Variants in PHF24 observed in about 807,000 individuals in gnomAD.
The protein encoded by PHF24 is Galpha inhibitory interacting protein.
In PHF24, 25 loss-of-function variants were observed where a neutral mutation model predicts 42.6. The observed-to-expected ratio is 0.59, with a 90% CI of 0.43 to 0.82. The LOEUF (loss-of-function observed/expected upper bound fraction) is 0.82, where lower values mean the gene tolerates loss of function less well. Ranked by LOEUF, PHF24 falls within the 40% of genes least tolerant of loss-of-function variation. The pLI is 0.00. For missense variants in PHF24, 470 were observed against 538.1 expected (o/e 0.87, Z 1.25); for synonymous variants, 185 against 204.8 (o/e 0.90, Z 0.83).
chr9:34,925,080 A>T, the PHF24 span, among the ~76,000 whole-genome samples: 4 of 152,086 alleles, frequency 2.6e-5, no homozygotes, highest in Non-Finnish European at 5.9e-5. Context: ...TGTCTATGAA[A>T]GATTTTATTT....
chr9:34,949,032 A>G, the PHF24 span, among the ~76,000 whole-genome samples: 8 of 152,248 alleles, frequency 5.3e-5, no homozygotes, highest in Non-Finnish European at 1.2e-4. Flanking sequence ...ATGCTAAAGC[A>G]TAAACTAGTA....
the PHF24 span, among the ~76,000 whole-genome samples, chr9:34,761,903 G>A: frequency 4.2e-3 from 638 of 152,130 alleles, 4 homozygotes; most frequent in African/African-American, 0.014. Context: ...GTGTCCATGT[G>A]TTCTCATTGC....
the PHF24 span, among the ~76,000 whole-genome samples, chr9:34,870,914 C>T: frequency 6.6e-6 from 1 of 152,144 alleles, no homozygotes; most frequent in South Asian, 2.1e-4. Flanking sequence ...TTATAAACAT[C>T]CATGTGGTTT....
the PHF24 span, among the ~76,000 whole-genome samples, chr9:34,700,352 C>T: frequency 6.6e-6 from 1 of 152,066 alleles, no homozygotes; most frequent in African/African-American, 2.4e-5. Context: ...TGCAACAATC[C>T]AGGGAGGAGA....
At chr9:34,780,650 TC>T in the PHF24 span, among the ~76,000 whole-genome samples, 1 of 152,102 alleles carries the variant, frequency 6.6e-6, no homozygotes, top group East Asian at 1.9e-4. Context: ...AAATTTGATG[TC>T]ATAAAAATAA....
the PHF24 span, among the ~76,000 whole-genome samples, chr9:34,673,923 C>T: frequency 6.6e-6 from 1 of 151,930 alleles, no homozygotes; most frequent in African/African-American, 2.4e-5. Context: ...ACCTGGCCAG[C>T]CTGGCTAATT....
chr9:34,716,027 G>A, the PHF24 span, among the ~76,000 whole-genome samples: 2 of 152,322 alleles, frequency 1.3e-5, no homozygotes, highest in Admixed American at 1.3e-4. Flanking sequence ...TAGGATTGGG[G>A]TGGGCTGGGG....
At chr9:34,967,717 C>T (rs1348729501) in intron 1 of PHF24, among the ~76,000 whole-genome samples, 1 of 152,298 alleles carries the variant, frequency 6.6e-6, no homozygotes, top group East Asian at 1.9e-4. Flanking sequence ...CAGGGCCAGC[C>T]CTGTCACTTC....
chr9:34,810,015 G>GCGCCGC, the PHF24 span, among the ~76,000 whole-genome samples: 8 of 145,594 alleles, frequency 5.5e-5, no homozygotes, highest in Admixed American at 2.0e-4. Context: ...CGCCGCCCAC[G>GCGCCGC]CGCCGCCGCC....
At chr9:34,920,186 G>T in the PHF24 span, among the ~76,000 whole-genome samples, 4 of 152,218 alleles carry the variant, frequency 2.6e-5, no homozygotes, top group South Asian at 8.3e-4. Context: ...GTGTAGGAGG[G>T]TTTCTTTTTC....
the PHF24 span, among the ~76,000 whole-genome samples, chr9:34,788,890 G>A: frequency 6.6e-6 from 1 of 152,204 alleles, no homozygotes; most frequent in African/African-American, 2.4e-5. Flanking sequence ...CAGTTAACCT[G>A]TCAGAATGTA....
At chr9:34,946,553 C>T in the PHF24 span, among the ~76,000 whole-genome samples, 2 of 152,088 alleles carry the variant, frequency 1.3e-5, no homozygotes, top group Non-Finnish European at 2.9e-5. Context: ...TATTATAGAT[C>T]GAGATTTCTA....
the PHF24 span, among the ~76,000 whole-genome samples, chr9:34,781,206 C>T: frequency 6.6e-6 from 1 of 152,028 alleles, no homozygotes; most frequent in African/African-American, 2.4e-5. Context: ...CAACAATAAC[C>T]AGAAGATAGA....
chr9:34,854,375 G>T, the PHF24 span, among the ~76,000 whole-genome samples: 14 of 151,718 alleles, frequency 9.2e-5, 1 homozygote, highest in Admixed American at 9.2e-4. Flanking sequence ...CTAGGTTGTT[G>T]ATTTGAGATC....
At chr9:34,879,851 G>T in the PHF24 span, among the ~76,000 whole-genome samples, 11 of 152,154 alleles carry the variant, frequency 7.2e-5, no homozygotes, top group East Asian at 1.2e-3. Flanking sequence ...TACAGAGAAC[G>T]CCACAAAGAT....
At chr9:34,686,645 A>G in the PHF24 span, among the ~76,000 whole-genome samples, 1 of 152,156 alleles carries the variant, frequency 6.6e-6, no homozygotes, top group Non-Finnish European at 1.5e-5. Flanking sequence ...ACTTTTAGGG[A>G]GATATTGGCT....
At chr9:34,788,116 C>T in the PHF24 span, among the ~76,000 whole-genome samples, 1 of 152,184 alleles carries the variant, frequency 6.6e-6, no homozygotes, top group Non-Finnish European at 1.5e-5. Context: ...TGGCTCACTG[C>T]AGCCTTGGTT....
At chr9:34,941,336 T>TATG in the PHF24 span, among the ~76,000 whole-genome samples, 2 of 152,088 alleles carry the variant, frequency 1.3e-5, no homozygotes, top group Non-Finnish European at 2.9e-5. Context: ...CAGTAGACAA[T>TATG]ATGATCATAG....
the PHF24 span, chr9:34,689,944 T>A: frequency 6.2e-7 from 1 of 1,614,104 alleles, no homozygotes; most frequent in Non-Finnish European, 8.5e-7. This position sits in a 1 kb window ranked among gnomAD's most constrained non-coding sequence, Gnocchi z 4.1. Flanking sequence ...GCTGAGGTCC[T>A]CTGCAGTCTC....
Sources: allele counts gnomAD v4.1 joint callset (sites outside exome capture counted in the v4.1 genomes callset), GRCh38; gene constraint gnomAD v4.1.1; non-coding constraint Gnocchi (gnomAD v3.1); transcripts MANE v1.5; gene names NCBI Gene and HGNC (gene_info 2026-07-23, HGNC 2026-07-21).